TACC2: variants seen among roughly 807,000 people sequenced by gnomAD.
The protein encoded by TACC2 is transforming acidic coiled-coil containing protein 2.
TACC2 carries 137 observed loss-of-function variants against 227.3 expected under a neutral mutation model. The ratio of observed to expected loss-of-function variants is 0.60; its 90% CI spans 0.52 to 0.69. TACC2 has a LOEUF of 0.69. Among genes scored for constraint, TACC2 ranks in the 30% least tolerant of loss-of-function variants. TACC2 has a pLI of 0.00. For missense variants in TACC2, 3,470 were observed against 3,694.4 expected (o/e 0.94, Z 1.57); for synonymous variants, 1,523 against 1,487.5 (o/e 1.02, Z -0.55).
At chr10:122,122,938 A>G (rs60149515) in intron 5 of TACC2, among the ~76,000 whole-genome samples, 2,004 of 152,308 alleles carry the variant, frequency 0.013, 44 homozygotes, top group African/African-American at 0.046. Context: ...TGCTTGCAAC[A>G]TAGATGAAGT....
intron 8 of TACC2, among the ~76,000 whole-genome samples, chr10:122,204,714 G>C (rs535981007): frequency 6.6e-6 from 1 of 152,228 alleles, no homozygotes; most frequent in East Asian, 1.9e-4. Flanking sequence ...CACGAGTTTG[G>C]CTAGCCACTT....
chr10:122,216,936 A>G lies in TACC2; in HGVS notation c.7546+108A>G, dbSNP rs924337367. ...TTCTCAGCCAGGTAACCACGTGATCATCATTGTGAGATCGTCTGCACGTCT... is the reference window on the plus strand; with the variant it reads ...TTCTCAGCCAGGTAACCACGTGATCGTCATTGTGAGATCGTCTGCACGTCT... On this transcript the variant is annotated intron_variant, in intron 11 of 22. Coordinates refer to ENST00000369005, the MANE Select transcript of TACC2 (RefSeq NM_206862.4). 6.3e-6 allele frequency: 10 copies of G among 1,590,828 alleles called. No homozygotes were observed. The East Asian group carries it at 6.8e-5, about 11-fold the overall frequency.
In TACC2 at chr10:122,228,011, A is replaced by G. The variant is rs2095661205; in HGVS notation, c.7896+3A>G. 3 of 1,611,460 alleles carry G rather than the reference A, an allele frequency of 1.9e-6. No homozygotes were observed. The highest frequency in any genetic ancestry group is 2.5e-6 in the Non-Finnish European group (3 of 1,178,922). On this transcript the variant is annotated splice_donor_region_variant and intron_variant, in intron 14 of 22. Coordinates refer to ENST00000369005, the MANE Select transcript of TACC2 (RefSeq NM_206862.4). Reference sequence around the variant, plus strand: ...CCCCTTCAGAAGCGATTGAAATTGTAAGTGGAGTTGGAGGGCCCCAGATCA... The same window carrying G: ...CCCCTTCAGAAGCGATTGAAATTGTGAGTGGAGTTGGAGGGCCCCAGATCA...
intron 7 of TACC2, among the ~76,000 whole-genome samples, chr10:122,176,131 A>C (rs1298455922): frequency 1.9e-4 from 27 of 142,952 alleles, no homozygotes; most frequent in South Asian, 9.1e-4. Flanking sequence ...ATATATATAT[A>C]TATATATATA....
intron 3 of TACC2, among the ~76,000 whole-genome samples, chr10:122,052,883 T>C (rs2075857480): frequency 6.6e-6 from 1 of 152,204 alleles, no homozygotes; most frequent in South Asian, 2.1e-4. Flanking sequence ...CCATCGCTCC[T>C]GACGGAGCAG....
chr10:122,087,207 C>G lies in TACC2; in HGVS notation c.4707C>G (p.Leu1569=). 6.2e-7 allele frequency: 1 copy of G among 1,612,762 alleles called. No homozygotes were observed. The highest frequency in any genetic ancestry group is 1.1e-5 in the South Asian group (1 of 90,956). Residue 1569 remains leucine (L), a synonymous_variant, in exon 4 of 23, where the codon CTC becomes CTG. Transcript: ENST00000369005. ...GLPSPAATQE[L]PVERAAAFQV... ...CTTCACCAGCAGCTACTCAGGAGCT[C>G]CCTGTGGAGAGAGCTGCTGCCTTCC...
chr10:122,214,723 TA>T (rs1422645695), intron 9 of TACC2, among the ~76,000 whole-genome samples: 1 of 152,170 alleles, frequency 6.6e-6, no homozygotes, highest in Non-Finnish European at 1.5e-5. Flanking sequence ...TCAGCCCCGC[TA>T]TTCATATGGA....
At chr10:122,101,723 C>CGTT (rs1406812091) in intron 5 of TACC2, among the ~76,000 whole-genome samples, 3 of 55,726 alleles carry the variant, frequency 5.4e-5, no homozygotes, top group Admixed American at 3.1e-4. Flanking sequence ...CCATGCCCAG[C>CGTT]TTTTTTTTTT....
intron 7 of TACC2, among the ~76,000 whole-genome samples, chr10:122,175,995 C>T (rs1195865874): frequency 3.3e-5 from 5 of 151,764 alleles, no homozygotes; most frequent in African/African-American, 1.2e-4. Context: ...GTGGGAGGAT[C>T]GCTTGAACCC....
At chr10:122,182,452 A>G (rs1482030706) in intron 7 of TACC2, among the ~76,000 whole-genome samples, 2 of 152,144 alleles carry the variant, frequency 1.3e-5, no homozygotes, top group South Asian at 2.1e-4. Context: ...GATTTAGCCA[A>G]CTGGTTTGCA....
In TACC2 at chr10:122,128,897, G is replaced by A. The variant is rs902569014; in HGVS notation, c.5574-3712G>A. Among the ~76,000 whole-genome samples, 6 of 151,606 alleles carry A rather than the reference G, an allele frequency of 4.0e-5. No individual in the cohort carries two copies. In the East Asian group the frequency reaches 5.8e-4, roughly 15 times the overall value. On this transcript the variant is annotated intron_variant, in intron 5 of 22. Coordinates refer to ENST00000369005, the MANE Select transcript of TACC2 (RefSeq NM_206862.4). ...CGCTGTCTCTCTCTCTCTCTGTCAC[G>A]TGCTCGTGTGTGTATGTCTATACAT...
At chr10:121,990,787 T>G (rs1210116107) in intron 1 of TACC2, among the ~76,000 whole-genome samples, 1 of 152,022 alleles carries the variant, frequency 6.6e-6, no homozygotes, top group African/African-American at 2.4e-5. Context: ...TTGTTGTTGT[T>G]GTTTGTTTGT....
chr10:122,085,221 A>G lies in TACC2; in HGVS notation c.2721A>G (p.Lys907=). ...CAGAACTTCAAAGTCAGCTCCCCAA[A>G]GGCACCCTGTCTGATACTCCAACTT... ...LGSELQSQLP[K]GTLSDTPTSS... The change falls in exon 4 of 23, where the codon AAA becomes AAG. Residue 907 remains lysine (K), a synonymous_variant. Transcript: ENST00000369005. 1 of 1,614,050 alleles carries G rather than the reference A, an allele frequency of 6.2e-7. No homozygotes were observed. The highest frequency in any genetic ancestry group is 2.2e-5 in the East Asian group (1 of 44,872).
chr10:122,114,437 G>A (rs2084267888), intron 5 of TACC2, among the ~76,000 whole-genome samples: 1 of 152,222 alleles, frequency 6.6e-6, no homozygotes, highest in African/African-American at 2.4e-5. Flanking sequence ...TAGAGGAAGG[G>A]TTTTGTTGAA....
intron 3 of TACC2, among the ~76,000 whole-genome samples, chr10:122,065,828 A>G (rs1184776765): frequency 6.6e-6 from 1 of 152,164 alleles, no homozygotes; most frequent in African/African-American, 2.4e-5. Flanking sequence ...TGTTTATTTT[A>G]GAATGTATAA....
rs1565254265 is a variant in TACC2, at chr10:122,085,175, G to A, written c.2675G>A (p.Gly892Glu). 1.2e-6 allele frequency: 2 copies of A among 1,614,102 alleles called. No individual in the cohort carries two copies. The highest frequency in any genetic ancestry group is 8.5e-7 in the Non-Finnish European group (1 of 1,180,034). Residue 892 changes from glycine (G) to glutamate (E), a missense_variant, in exon 4 of 23, where the codon GGA (glycine) becomes GAA (glutamate). Around this residue, in one of 10 missense-constraint regions of TACC2, gnomAD observed 1,924 missense variants for 1,978.3 expected, o/e 0.97. Transcript: ENST00000369005. Reference protein sequence around the residue: ...QEDNNLPTHGGQEQALGSELQ... With the variant: ...QEDNNLPTHGEQEQALGSELQ... ...GATAACAACTTGCCCACTCATGGAGGACAGGAGCAGGCTTTGGGATCAGAA... is the reference window on the plus strand; with the variant it reads ...GATAACAACTTGCCCACTCATGGAGAACAGGAGCAGGCTTTGGGATCAGAA...
At chr10:122,217,502 G>A (rs1175567538) in intron 11 of TACC2, among the ~76,000 whole-genome samples, 5 of 131,076 alleles carry the variant, frequency 3.8e-5, no homozygotes, top group Non-Finnish European at 6.2e-5. Flanking sequence ...GCAGTAGTAC[G>A]ATCTTGGCTC....
chr10:122,211,528 A>G lies in TACC2; in HGVS notation c.7103A>G (p.Asn2368Ser), dbSNP rs2095292151. The G allele has an allele frequency of 2.5e-6, 4 of 1,613,696 alleles. No individual in the cohort carries two copies. Among genetic ancestry groups the G allele is most frequent in the Non-Finnish European group, 3.4e-6 (4 of 1,179,942 alleles). ...ESPKLPQQSY[N>S]FDPDTCDESV... is the part of the protein sequence containing the mutation. ...CCCAAACTGCCCCAACAATCATACA[A>G]CTTTGACCCAGACACCTGTGATGAG... The change falls in exon 9 of 23, where the codon AAC becomes AGC. Residue 2368 changes from asparagine (N) to serine (S), a missense_variant. This residue lies in a region of TACC2 where 593 missense variants were observed against 636.6 expected (regional missense o/e 0.93). Transcript: ENST00000369005.
intron 16 of TACC2, among the ~76,000 whole-genome samples, chr10:122,233,316 T>C (rs2095794507): frequency 6.6e-6 from 1 of 152,228 alleles, no homozygotes; most frequent in Non-Finnish European, 1.5e-5. Context: ...ATGTTGTGTC[T>C]GGGTGGCTCT....
Sources: gnomAD v4.1 joint callset for allele counts (sites outside exome capture counted in the v4.1 genomes callset) on GRCh38, gnomAD v4.1.1 for gene constraint, gnomAD v4.1.1 regional missense constraint, MANE v1.5 for transcripts, NCBI Gene and HGNC (gene_info 2026-07-23, HGNC 2026-07-21) for gene names.